The following MARCHF1 variants were observed in gnomAD, a reference collection of about 807,000 sequenced individuals.
The protein encoded by MARCHF1 is membrane associated ring-CH-type finger 1.
In MARCHF1, 40 loss-of-function variants were observed where a neutral mutation model predicts 54.2. The observed-to-expected ratio is 0.74, with a 90% CI of 0.57 to 0.96. MARCHF1 has a LOEUF of 0.96. Ranked by LOEUF, MARCHF1 falls within the 40% of genes least tolerant of loss-of-function variation. MARCHF1 has a pLI of 0.00. For missense variants in MARCHF1, 586 were observed against 656.5 expected, an observed-to-expected ratio of 0.89 and a Z score of 1.17; for synonymous variants, 236 against 236.3, an observed-to-expected ratio of 1.00 and a Z score of 0.01.
intron 8 of MARCHF1, among the ~76,000 whole-genome samples, chr4:163,561,951 C>T (rs1205989289): frequency 6.6e-6 from 1 of 152,144 alleles, no homozygotes; most frequent in South Asian, 2.1e-4. Context: ...CAAATGTCAA[C>T]CCTTTCTCAT....
chr4:164,213,831 T>A (rs1271302358), intron 1 of MARCHF1, among the ~76,000 whole-genome samples: 1 of 151,952 alleles, frequency 6.6e-6, no homozygotes, highest in African/African-American at 2.4e-5. Flanking sequence ...AAAATCTAAT[T>A]TGGGGTTTTG....
intron 1 of MARCHF1, among the ~76,000 whole-genome samples, chr4:164,203,410 G>A (rs899180984): frequency 1.8e-4 from 28 of 152,094 alleles, no homozygotes; most frequent in African/African-American, 6.0e-4. Context: ...GGGTAGCCTG[G>A]CAGCCTGGAG....
intron 4 of MARCHF1, among the ~76,000 whole-genome samples, chr4:163,822,276 G>C (rs533566833): frequency 4.0e-5 from 6 of 151,662 alleles, no homozygotes; most frequent in African/African-American, 1.5e-4. Flanking sequence ...AAAGCTACCT[G>C]CTCTGTAATT....
intron 1 of MARCHF1, among the ~76,000 whole-genome samples, chr4:164,241,675 AC>A (rs1732757488): frequency 6.6e-6 from 1 of 152,220 alleles, no homozygotes. Flanking sequence ...AGCGTGAGCT[AC>A]GCAGAAGACG....
chr4:163,699,143 A>C (rs1744726617), intron 5 of MARCHF1, among the ~76,000 whole-genome samples: 1 of 152,198 alleles, frequency 6.6e-6, no homozygotes, highest in South Asian at 2.1e-4. Context: ...CCTCTCAAAT[A>C]TCTCTGAAGG....
chr4:163,587,517 C>G (rs759374992), intron 7 of MARCHF1, among the ~76,000 whole-genome samples: 2 of 152,056 alleles, frequency 1.3e-5, no homozygotes, highest in African/African-American at 4.8e-5. Context: ...AACACAGAAG[C>G]AGAAAAACAA....
At chr4:164,234,026 T>G (rs1254806291) in intron 1 of MARCHF1, among the ~76,000 whole-genome samples, 1 of 152,166 alleles carries the variant, frequency 6.6e-6, no homozygotes, top group Non-Finnish European at 1.5e-5. Context: ...TCAATAAGAA[T>G]TTATGTTTAT....
chr4:163,966,826 A>C (rs2110827041), intron 3 of MARCHF1, among the ~76,000 whole-genome samples: 1 of 152,268 alleles, frequency 6.6e-6, no homozygotes, highest in African/African-American at 2.4e-5. Flanking sequence ...CCAGCAGGAA[A>C]GTCACACTTG....
intron 9 of MARCHF1, among the ~76,000 whole-genome samples, chr4:163,540,567 G>A (rs191494669): frequency 6.6e-6 from 1 of 152,236 alleles, no homozygotes; most frequent in East Asian, 1.9e-4. Flanking sequence ...TGTCATATAT[G>A]TACATTATTT....
intron 1 of MARCHF1, among the ~76,000 whole-genome samples, chr4:164,278,225 G>A (rs1341161812): frequency 6.6e-6 from 1 of 152,112 alleles, no homozygotes; most frequent in Non-Finnish European, 1.5e-5. Context: ...TGGAAGAATA[G>A]CTTGAGTCTG....
intron 3 of MARCHF1, among the ~76,000 whole-genome samples, chr4:163,859,668 GC>G (rs1324804841): frequency 2.6e-5 from 4 of 152,076 alleles, no homozygotes; most frequent in Non-Finnish European, 4.4e-5. Context: ...GGCGAGAAAA[GC>G]TTTTTGAAAA....
Position 163,585,741 on chromosome 4 carries a change from T to C in MARCHF1, c.1191+8A>G, listed in dbSNP as rs1740388823. 1 of 1,577,466 alleles carries C rather than the reference T, an allele frequency of 6.3e-7. No individual in the cohort carries two copies. The highest frequency in any genetic ancestry group is 2.3e-5 in the East Asian group (1 of 44,354). On this transcript the variant is annotated splice_region_variant and intron_variant, in intron 8 of 9. Coordinates refer to ENST00000514618, the MANE Select transcript of MARCHF1 (RefSeq NM_001394959.1). ...TCCCTCCCAAACCAATTCCTATGGA[T>C]ACTGTACCTTCCGGAGGGGTTTGAG... is the stretch of plus-strand genomic sequence containing the variant.
At chr4:164,173,781 A>G (rs1364993582) in intron 1 of MARCHF1, among the ~76,000 whole-genome samples, 1 of 152,200 alleles carries the variant, frequency 6.6e-6, no homozygotes, top group Non-Finnish European at 1.5e-5. Flanking sequence ...AGAAGATGCC[A>G]GAGCCACACT....
chr4:163,953,017 G>A (rs143146271), intron 3 of MARCHF1, among the ~76,000 whole-genome samples: 19 of 152,238 alleles, frequency 1.2e-4, no homozygotes, highest in Non-Finnish European at 1.8e-4. Context: ...GAAAGACAAT[G>A]TCATGTCCAT....
chr4:164,301,539 C>T (rs529069642), intron 1 of MARCHF1, among the ~76,000 whole-genome samples: 44 of 152,116 alleles, frequency 2.9e-4, no homozygotes, highest in Non-Finnish European at 6.0e-4. Flanking sequence ...GCGGATAGGG[C>T]TCGGTTTGTA....
intron 3 of MARCHF1, among the ~76,000 whole-genome samples, chr4:163,902,114 A>T (rs1323868723): frequency 2.0e-5 from 3 of 152,186 alleles, no homozygotes; most frequent in Non-Finnish European, 4.4e-5. Flanking sequence ...AACACATATC[A>T]GAAGCACTGT....
At chr4:163,772,823 G>C (rs1178682903) in intron 4 of MARCHF1, among the ~76,000 whole-genome samples, 1 of 151,274 alleles carries the variant, frequency 6.6e-6, no homozygotes, top group African/African-American at 2.4e-5. Context: ...TGTGGAGGAG[G>C]GGCAGGAAAT....
chr4:163,626,418 T>C (rs79240837), intron 5 of MARCHF1, among the ~76,000 whole-genome samples: 68 of 152,324 alleles, frequency 4.5e-4, no homozygotes, highest in African/African-American at 1.6e-3. Flanking sequence ...GAACCCAATA[T>C]ATAATTTATG....
chr4:164,203,158 T>C (rs1311090220), intron 1 of MARCHF1, among the ~76,000 whole-genome samples: 3 of 152,156 alleles, frequency 2.0e-5, no homozygotes, highest in Non-Finnish European at 4.4e-5. Flanking sequence ...TAGAGCTTTA[T>C]TGTAAAAATC....
Sources: allele counts gnomAD v4.1 joint callset (sites outside exome capture counted in the v4.1 genomes callset), GRCh38; gene constraint gnomAD v4.1.1; transcripts MANE v1.5; gene names NCBI Gene and HGNC (gene_info 2026-07-23, HGNC 2026-07-21).